Variants in BMPER observed in about 807,000 individuals in gnomAD.
BMPER encodes the protein BMP binding endothelial regulator.
Under a neutral mutation model 87.3 loss-of-function variants are expected in BMPER, and 45 were observed. That is an observed-to-expected ratio of 0.52 (90% confidence interval 0.41 to 0.66). BMPER has a LOEUF of 0.66. Ranked by LOEUF, BMPER falls within the 30% of genes least tolerant of loss-of-function variation. The pLI is 0.00. For missense variants in BMPER, 784 were observed against 867.5 expected, an observed-to-expected ratio of 0.90 and a Z score of 1.21; for synonymous variants, 326 against 316.2, an observed-to-expected ratio of 1.03 and a Z score of -0.33.
chr7:34,051,685 C>A (rs1427784901), intron 7 of BMPER, among the ~76,000 whole-genome samples, 176 bp from the exon 8 acceptor site: 1 of 152,104 alleles, frequency 6.6e-6, no homozygotes, highest in Non-Finnish European at 1.5e-5. Flanking sequence ...AAACTTTATC[C>A]CAACTAATGA....
intron 6 of BMPER, 138 bp downstream of exon 6, chr7:33,974,922 G>A: frequency 8.0e-6 from 7 of 871,492 alleles, no homozygotes; most frequent in Middle Eastern, 3.3e-4. Context: ...ATGTGGAGCC[G>A]AGGGAAAAGC....
Position 33,937,664 on chromosome 7 carries a change from G to A in BMPER, c.319+276G>A, listed in dbSNP as rs141569047. The A allele has an allele frequency of 4.9e-3, 2,210 of 454,708 alleles. 34 individuals carry two copies. Among genetic ancestry groups the A allele is most frequent in the South Asian group, 0.023 (1,087 of 47,786 alleles). The allele number at this position is 454,708 out of a possible 1,614,324, so 28.2% of individuals were successfully genotyped here. ...TTCTAAGGCAGGTTGTTAAAATGTC[G>A]TAGAGAAGAGTCAACCACCATGCCT... On this transcript the variant is annotated intron_variant, in intron 3 of 14. Transcript: ENST00000649409.
intron 2 of BMPER, among the ~76,000 whole-genome samples, chr7:33,934,752 A>G (rs1389883125): frequency 6.6e-6 from 1 of 151,888 alleles, no homozygotes; most frequent in East Asian, 1.9e-4. Context: ...AGAGCTTTGA[A>G]CTCTCTGTAT....
intron 2 of BMPER, among the ~76,000 whole-genome samples, chr7:33,936,106 A>T (rs998778634): frequency 1.3e-5 from 2 of 152,170 alleles, no homozygotes; most frequent in Non-Finnish European, 2.9e-5. Flanking sequence ...TGAGCAAGAA[A>T]TGGTGAGATC....
At chr7:34,086,826 G>C (rs1789224409) in intron 13 of BMPER, among the ~76,000 whole-genome samples, 1 of 152,146 alleles carries the variant, frequency 6.6e-6, no homozygotes, top group South Asian at 2.1e-4. Context: ...AGTTTGGCCT[G>C]GGTGTACTTC....
chr7:34,079,482 T>G (rs1395347055), intron 12 of BMPER, among the ~76,000 whole-genome samples: 1 of 152,182 alleles, frequency 6.6e-6, no homozygotes, highest in Non-Finnish European at 1.5e-5. Context: ...TGTCTAAAAA[T>G]AGCAGTTGTA....
In BMPER at chr7:33,970,341, A is replaced by G. The variant is rs777330363; in HGVS notation, c.415A>G (p.Thr139Ala). The change falls in exon 5 of 15, where the codon ACA (threonine) becomes GCA (alanine). Residue 139 changes from threonine to alanine, a missense_variant. Physicochemically the swap from Thr to Ala is moderately conservative, Grantham distance 58. Transcript: ENST00000649409. ...TTCTGTGTTTCAGGAGGGCGTTGTC[A>G]CAGAGTCTGGGGTGCGCTGTGTTGT... ...VLRQCQEGVVTESGVRCVVHC... is the reference protein window; with the variant it reads ...VLRQCQEGVVAESGVRCVVHC... 3 of 1,614,056 alleles carry G rather than the reference A, an allele frequency of 1.9e-6. No homozygotes were observed. Among genetic ancestry groups the G allele is most frequent in the Non-Finnish European group, 2.5e-6 (3 of 1,179,954 alleles).
At position 34,036,021 on chromosome 7, in the gene BMPER, T is replaced by C. The variant is rs573528494; in HGVS notation, c.577-10285T>C. 5.3e-5 allele frequency among the ~76,000 whole-genome samples: 8 copies of C among 152,292 alleles called. No homozygotes were observed. The South Asian group carries it at 1.7e-3, about 32-fold the overall frequency. Reference sequence around the variant, plus strand: ...TAGTGCCTATCCAATGTTGTTGTGATGTAGATAGCCTGGGGAACATGAAAA... The same window carrying C: ...TAGTGCCTATCCAATGTTGTTGTGACGTAGATAGCCTGGGGAACATGAAAA... On this transcript the variant is annotated intron_variant, in intron 6 of 14. Coordinates refer to ENST00000649409, the MANE Select transcript of BMPER (RefSeq NM_001365308.1).
intron 6 of BMPER, among the ~76,000 whole-genome samples, chr7:34,019,438 T>C (rs967078451): frequency 1.3e-5 from 2 of 151,964 alleles, no homozygotes; most frequent in Non-Finnish European, 2.9e-5. Flanking sequence ...ACATTAGAAA[T>C]ATTTTTTCCC....
chr7:33,957,489 T>A (rs975347431), intron 3 of BMPER, among the ~76,000 whole-genome samples: 3 of 151,826 alleles, frequency 2.0e-5, no homozygotes, highest in Non-Finnish European at 4.4e-5. Flanking sequence ...ACGAATAGCC[T>A]GAGGGAGTCT....
At chr7:33,977,609 G>T (rs1785721358) in intron 6 of BMPER, among the ~76,000 whole-genome samples, 1 of 152,150 alleles carries the variant, frequency 6.6e-6, no homozygotes, top group East Asian at 1.9e-4. Flanking sequence ...AATGAAGACT[G>T]CATGTAATAA....
intron 3 of BMPER, among the ~76,000 whole-genome samples, chr7:33,939,775 C>T (rs527354397): frequency 6.6e-6 from 1 of 152,276 alleles, no homozygotes; most frequent in South Asian, 2.1e-4. Flanking sequence ...GAGGCCTCCC[C>T]AGCCATGCTG....
chr7:34,104,419 A>G (rs562630750), intron 13 of BMPER, among the ~76,000 whole-genome samples: 4 of 152,348 alleles, frequency 2.6e-5, no homozygotes, highest in Admixed American at 2.6e-4. Context: ...CAACAAAGAC[A>G]CAGCGAGTTG....
intron 12 of BMPER, among the ~76,000 whole-genome samples, chr7:34,084,529 G>A (rs1203328882): frequency 3.3e-5 from 5 of 152,288 alleles, no homozygotes; most frequent in African/African-American, 1.2e-4. Flanking sequence ...GGGAGACTCA[G>A]GCACTGCCAG....
At chr7:34,020,008 A>G (rs1164385328) in intron 6 of BMPER, among the ~76,000 whole-genome samples, 1 of 150,476 alleles carries the variant, frequency 6.6e-6, no homozygotes, top group East Asian at 2.0e-4. Flanking sequence ...GAATGTGGAT[A>G]CACCAGAGGA....
At chr7:34,072,296 T>G (rs1788755370) in intron 11 of BMPER, among the ~76,000 whole-genome samples, 3 of 152,102 alleles carry the variant, frequency 2.0e-5, no homozygotes, top group African/African-American at 7.2e-5. Context: ...GATGACAAAT[T>G]ACCACTCACT....
At chr7:33,979,243 T>G (rs944093206) in intron 6 of BMPER, among the ~76,000 whole-genome samples, 1 of 151,914 alleles carries the variant, frequency 6.6e-6, no homozygotes, top group South Asian at 2.1e-4. Context: ...TTACTCTGTT[T>G]TGCCTCCAGT....
At chr7:34,116,360 C>T (rs1366339325) in intron 13 of BMPER, among the ~76,000 whole-genome samples, 1 of 152,006 alleles carries the variant, frequency 6.6e-6, no homozygotes, top group African/African-American at 2.4e-5. Context: ...GTTTTTTTTC[C>T]ACCTGCCTTT....
rs1787292919 is a variant in BMPER at position 34,024,383 on chromosome 7, CAATATATATATATATATATATA to C, written c.577-21922_577-21901del. 1.2e-3 allele frequency among the ~76,000 whole-genome samples: 9 copies of C among 7,248 alleles called. 1 individual carries two copies. The highest frequency in any genetic ancestry group is 4.8e-3 in the African/African-American group (9 of 1,890). 4.8% of individuals were successfully genotyped at this position (7,248 alleles called of 152,430 possible). Reference sequence around the variant, plus strand: ...AAAAAAAAAAAAAAAAAAAAAAAAACAATATATATATATATATATATATATATATATATATATATATATATAT... The same window carrying C: ...AAAAAAAAAAAAAAAAAAAAAAAAACTATATATATATATATATATATATAT... On this transcript the variant is annotated intron_variant, in intron 6 of 14. Coordinates refer to ENST00000649409, the MANE Select transcript of BMPER (RefSeq NM_001365308.1).
Sources: allele counts gnomAD v4.1 joint callset (sites outside exome capture counted in the v4.1 genomes callset), GRCh38; gene constraint gnomAD v4.1.1; transcripts MANE v1.5; gene names NCBI Gene and HGNC (gene_info 2026-07-23, HGNC 2026-07-21).